POLE2: variants seen among roughly 807,000 people sequenced by gnomAD.
POLE2 encodes the protein DNA polymerase epsilon 2, accessory subunit.
POLE2 carries 56 observed loss-of-function variants against 79.4 expected under a neutral mutation model. The ratio of observed to expected loss-of-function variants is 0.71; its 90% CI spans 0.57 to 0.88. POLE2 has a LOEUF of 0.88. Ranked by LOEUF, POLE2 falls within the 40% of genes least tolerant of loss-of-function variation. The pLI is 0.00. For synonymous variants in POLE2, 212 were observed against 214.0 expected (o/e 0.99, Z 0.08); for missense variants, 598 against 638.9 (o/e 0.94, Z 0.69).
Position 49,643,678 on chromosome 14 carries a change from T to C in POLE2, c.1566-8A>G. 7.3e-7 allele frequency: 1 copy of C among 1,361,660 alleles called. No homozygotes were observed. The highest frequency in any genetic ancestry group is 1.0e-6 in the Non-Finnish European group (1 of 974,182). The allele number at this position is 1,361,660 out of a possible 1,614,324, so 84.3% of individuals were successfully genotyped here. A position where few individuals can be genotyped will look rare whatever the true frequency, so the allele number is the denominator to read the frequency against. On this transcript the variant is annotated splice_region_variant and splice_polypyrimidine_tract_variant and intron_variant, in intron 18 of 18. Transcript: ENST00000216367. ...CAAAAGCCTTGAAGTTTGCTGAAAA[T>C]AGAAAAAAAAATTAAATATTTGGAA...
chr14:49,667,447 C>T (rs942142212), intron 6 of POLE2, among the ~76,000 whole-genome samples: 22 of 152,136 alleles, frequency 1.4e-4, no homozygotes, highest in African/African-American at 4.8e-4. Flanking sequence ...ATTTATTTCA[C>T]CAAACTCCTA....
chr14:49,687,834 G>A (rs1419252019), intron 1 of POLE2, among the ~76,000 whole-genome samples: 1 of 151,894 alleles, frequency 6.6e-6, no homozygotes, highest in African/African-American at 2.4e-5. Context: ...CAACTAACTG[G>A]GACTACAAGC....
chr14:49,677,823 A>G, intron 3 of POLE2: 1 of 510,662 alleles, frequency 2.0e-6, no homozygotes. Context: ...CACCCTCACA[A>G]TGCTTGCCTC....
At chr14:49,663,097 C>A (rs559815574) in intron 10 of POLE2, among the ~76,000 whole-genome samples, 1 of 152,166 alleles carries the variant, frequency 6.6e-6, no homozygotes, top group Admixed American at 6.6e-5. Context: ...CAGTTAAAGC[C>A]GAAGTACAAA....
At chr14:49,672,194 A>G (rs1022127181) in intron 5 of POLE2, among the ~76,000 whole-genome samples, 7 of 152,328 alleles carry the variant, frequency 4.6e-5, no homozygotes, top group South Asian at 2.1e-4. Context: ...AGCAGAGATT[A>G]GGCCAATTAT....
At chr14:49,672,162 C>T (rs1048526220) in intron 5 of POLE2, among the ~76,000 whole-genome samples, 1 of 152,124 alleles carries the variant, frequency 6.6e-6, no homozygotes, top group African/African-American at 2.4e-5. Flanking sequence ...TTGGCTCCAG[C>T]CCAGATTATG....
At chr14:49,679,945 C>G (rs1048280332) in intron 2 of POLE2, 145 bp from the exon 3 acceptor site, 1 of 590,690 alleles carries the variant, frequency 1.7e-6, no homozygotes, top group Non-Finnish European at 3.0e-6. Flanking sequence ...AGTGTTAGGT[C>G]AGAACAATAA....
At chr14:49,671,139 C>A (rs1242635687) in intron 5 of POLE2, among the ~76,000 whole-genome samples, 3 of 152,088 alleles carry the variant, frequency 2.0e-5, no homozygotes. Context: ...GTGGCACACC[C>A]ACCATAACAG....
intron 5 of POLE2, among the ~76,000 whole-genome samples, chr14:49,672,501 CTT>C (rs34239544): frequency 5.0e-4 from 71 of 141,924 alleles, no homozygotes; most frequent in African/African-American, 9.0e-4. Flanking sequence ...CCTCTCCCCT[CTT>C]TTTTTTTTTT....
intron 10 of POLE2, 96 bp from the exon 11 acceptor site, chr14:49,655,939 T>C: frequency 1.5e-6 from 1 of 657,484 alleles, no homozygotes; most frequent in Non-Finnish European, 2.6e-6. Flanking sequence ...ATGAAGTTAT[T>C]TTCCAGTGTA....
At chr14:49,661,604 G>A (rs1489262715) in intron 10 of POLE2, among the ~76,000 whole-genome samples, 2 of 152,170 alleles carry the variant, frequency 1.3e-5, no homozygotes, top group Non-Finnish European at 2.9e-5. Flanking sequence ...TATTGAGTCA[G>A]TGTAAATCTC....
chr14:49,643,800 C>A, intron 18 of POLE2, 130 bp from the exon 19 acceptor site: 18 of 307,078 alleles, frequency 5.9e-5, no homozygotes, highest in Non-Finnish European at 1.0e-4. Context: ...CATACTGTTT[C>A]AAATTCAAAA....
At chr14:49,684,931 C>T (rs967870484) in intron 1 of POLE2, among the ~76,000 whole-genome samples, 5 of 152,084 alleles carry the variant, frequency 3.3e-5, no homozygotes, top group Admixed American at 1.3e-4. Flanking sequence ...GAGCGGAGAT[C>T]GGGCCACTAC....
chr14:49,664,524 T>A, intron 9 of POLE2, 102 bp downstream of exon 9: 1 of 789,490 alleles, frequency 1.3e-6, no homozygotes. Context: ...GCTCTTCTAA[T>A]TAATGGTATC....
At chr14:49,684,295 T>C (rs1886953209) in intron 1 of POLE2, among the ~76,000 whole-genome samples, 1 of 151,872 alleles carries the variant, frequency 6.6e-6, no homozygotes, top group African/African-American at 2.4e-5. Flanking sequence ...AAACCCCGTC[T>C]CTACTAAAAA....
intron 18 of POLE2, among the ~76,000 whole-genome samples, chr14:49,644,147 G>A (rs1163806646): frequency 6.7e-6 from 1 of 150,008 alleles, no homozygotes; most frequent in East Asian, 2.0e-4. Flanking sequence ...CCCAAAAAGT[G>A]CTAGGATTAG....
chr14:49,653,540 A>C (rs1340079788), intron 15 of POLE2, among the ~76,000 whole-genome samples: 1 of 152,238 alleles, frequency 6.6e-6, no homozygotes, highest in African/African-American at 2.4e-5. Context: ...AGAAACCTAA[A>C]ACAAAAATAA....
intron 12 of POLE2, 79 bp downstream of exon 12, chr14:49,654,926 T>G: frequency 7.3e-7 from 1 of 1,367,176 alleles, no homozygotes; most frequent in Non-Finnish European, 9.7e-7. Context: ...TATTCTTAAT[T>G]AAAATATTAT....
At chr14:49,660,981 G>C (rs1245505239) in intron 10 of POLE2, among the ~76,000 whole-genome samples, 1 of 152,166 alleles carries the variant, frequency 6.6e-6, no homozygotes, top group African/African-American at 2.4e-5. Context: ...CCAGGGTGGA[G>C]TGCAGTGGCA....
Sources: allele counts gnomAD v4.1 joint callset (sites outside exome capture counted in the v4.1 genomes callset), GRCh38; gene constraint gnomAD v4.1.1; transcripts MANE v1.5; gene names NCBI Gene and HGNC (gene_info 2026-07-23, HGNC 2026-07-21).